CTNND2: variants seen among roughly 807,000 people sequenced by gnomAD.
CTNND2 encodes the protein catenin delta 2, also known as catenin delta-2.
A neutral mutation model predicts 144.4 loss-of-function variants in CTNND2; 22 were observed. That is an observed-to-expected ratio of 0.15 (90% confidence interval 0.11 to 0.22). The LOEUF (loss-of-function observed/expected upper bound fraction) is 0.22, where lower values mean the gene tolerates loss of function less well. CTNND2 is among the 10% of genes least tolerant of loss of function. CTNND2 has a pLI of 1.00. For missense variants in CTNND2, 1,353 were observed against 1,618.8 expected, an observed-to-expected ratio of 0.84 and a Z score of 2.82; for synonymous variants, 751 against 695.6, an observed-to-expected ratio of 1.08 and a Z score of -1.25.
chr5:11,853,251 C>T (rs1795098298), intron 1 of CTNND2, among the ~76,000 whole-genome samples: 1 of 152,158 alleles, frequency 6.6e-6, no homozygotes, highest in African/African-American at 2.4e-5. Context: ...CCTTTACCTT[C>T]CTGCAGCATT....
intron 3 of CTNND2, among the ~76,000 whole-genome samples, chr5:11,454,595 T>TG (rs1477311738): frequency 7.0e-6 from 1 of 142,386 alleles, no homozygotes; most frequent in Non-Finnish European, 1.5e-5. Context: ...AGAAAGTTTT[T>TG]TTTCCTTTTT....
chr5:11,089,141 G>A (rs1451924420), intron 15 of CTNND2, among the ~76,000 whole-genome samples: 3 of 152,168 alleles, frequency 2.0e-5, no homozygotes, highest in African/African-American at 4.8e-5. Flanking sequence ...GAATTAATTC[G>A]TGGAGGGGAA....
intron 1 of CTNND2, among the ~76,000 whole-genome samples, chr5:11,773,876 AATC>A (rs961157218): frequency 6.6e-6 from 1 of 151,986 alleles, no homozygotes; most frequent in Admixed American, 6.6e-5. Flanking sequence ...TTTAAAAGGA[AATC>A]ATCATGTATT....
At chr5:11,556,822 T>C (rs767792277) in intron 3 of CTNND2, among the ~76,000 whole-genome samples, 1 of 152,170 alleles carries the variant, frequency 6.6e-6, no homozygotes, top group African/African-American at 2.4e-5. Flanking sequence ...AGCAAGCAAC[T>C]GTTAATATTT....
Position 11,054,852 on chromosome 5 carries a change from A to G in CTNND2, c.2788+27844T>C, listed in dbSNP as rs555966694. On this transcript the variant is annotated intron_variant, in intron 16 of 21. Coordinates refer to ENST00000304623, the MANE Select transcript of CTNND2 (RefSeq NM_001332.4). ...TAGATAGTTCCACGCTTGTGTTTAT[A>G]TAAAGAGCCTTTACATTTCCATCCT... 5.9e-5 allele frequency among the ~76,000 whole-genome samples: 9 copies of G among 152,296 alleles called. No homozygotes were observed. The South Asian group carries it at 1.7e-3, about 28-fold the overall frequency.
intron 9 of CTNND2, among the ~76,000 whole-genome samples, chr5:11,316,333 C>A (rs1297481247): frequency 6.6e-6 from 1 of 152,098 alleles, no homozygotes; most frequent in Non-Finnish European, 1.5e-5. Context: ...TCAAACAATT[C>A]TCGTGCCTCA....
chr5:11,282,418 T>C (rs1747251617), intron 9 of CTNND2, among the ~76,000 whole-genome samples: 1 of 152,166 alleles, frequency 6.6e-6, no homozygotes, highest in African/African-American at 2.4e-5. Context: ...GCAACTGATT[T>C]CAAACATGAT....
chr5:11,067,759 T>C (rs1747771015), intron 16 of CTNND2, among the ~76,000 whole-genome samples: 1 of 152,228 alleles, frequency 6.6e-6, no homozygotes, highest in Non-Finnish European at 1.5e-5. Context: ...ATGAGCTCTT[T>C]AAACCCATCC....
chr5:11,292,137 C>T (rs7709122), intron 9 of CTNND2, among the ~76,000 whole-genome samples: 1 of 151,976 alleles, frequency 6.6e-6, no homozygotes, highest in East Asian at 1.9e-4. Flanking sequence ...CATGTAATAA[C>T]GACAATAAAA....
intron 11 of CTNND2, among the ~76,000 whole-genome samples, chr5:11,171,923 A>C (rs565767532): frequency 1.4e-4 from 21 of 152,338 alleles, no homozygotes; most frequent in African/African-American, 5.1e-4. Flanking sequence ...CGTGGGCCTA[A>C]TTGTAGAGTA....
intron 16 of CTNND2, among the ~76,000 whole-genome samples, chr5:11,073,505 T>C (rs1748574686): frequency 6.6e-6 from 1 of 152,250 alleles, no homozygotes; most frequent in South Asian, 2.1e-4. Context: ...TTTTGTCTTT[T>C]TCCCCACATG....
At position 11,093,743 on chromosome 5, in the gene CTNND2, G is replaced by C. The variant is rs917764956; in HGVS notation, c.2637+4832C>G. Reference sequence around the variant, plus strand: ...AAATTTTAACAGTTGCTATAAAAATGCATTCTTTGAATTCTAGATTTCAGA... The same window carrying C: ...AAATTTTAACAGTTGCTATAAAAATCCATTCTTTGAATTCTAGATTTCAGA... On this transcript the variant is annotated intron_variant, in intron 15 of 21. Transcript: ENST00000304623. Among the ~76,000 whole-genome samples the C allele has an allele frequency of 1.1e-4, 16 of 152,228 alleles. No individual in the cohort carries two copies. In the East Asian group the frequency reaches 2.9e-3, roughly 28 times the overall value.
chr5:11,759,276 G>C (rs1233191257), intron 1 of CTNND2, among the ~76,000 whole-genome samples: 1 of 151,900 alleles, frequency 6.6e-6, no homozygotes, highest in Non-Finnish European at 1.5e-5. Context: ...ATTTTACAAA[G>C]AGCAAAAATT....
intron 2 of CTNND2, among the ~76,000 whole-genome samples, chr5:11,709,399 G>GA (rs1291160849): frequency 2.6e-5 from 4 of 152,172 alleles, no homozygotes; most frequent in African/African-American, 9.7e-5. Context: ...ACTGACTCTA[G>GA]AAAAACTCTC....
chr5:11,118,618 C>T (rs539065464), intron 12 of CTNND2, among the ~76,000 whole-genome samples: 69 of 152,272 alleles, frequency 4.5e-4, no homozygotes, highest in African/African-American at 1.6e-3. Flanking sequence ...CCCCAGCTCT[C>T]TAGGGAGGGT....
intron 9 of CTNND2, among the ~76,000 whole-genome samples, chr5:11,284,373 T>C (rs560909749): frequency 6.6e-6 from 1 of 152,280 alleles, no homozygotes; most frequent in South Asian, 2.1e-4. Context: ...CACCTAGGTA[T>C]TAGGCTCAAC....
At chr5:11,364,592 T>C (rs1756780739) in intron 8 of CTNND2, 104 bp downstream of exon 8, 2 of 841,024 alleles carry the variant, frequency 2.4e-6, no homozygotes, top group Non-Finnish European at 1.7e-6. Context: ...CTTGTGGGGA[T>C]AGTGGACACA....
intron 7 of CTNND2, among the ~76,000 whole-genome samples, chr5:11,382,830 G>A (rs548965771): frequency 6.6e-6 from 1 of 152,170 alleles, no homozygotes; most frequent in African/African-American, 2.4e-5. Context: ...ATGGTATCAA[G>A]CACACGAAAT....
At chr5:11,809,071 C>T (rs188508019) in intron 1 of CTNND2, among the ~76,000 whole-genome samples, 45 of 152,206 alleles carry the variant, frequency 3.0e-4, no homozygotes, top group Admixed American at 2.7e-3. Context: ...TTGAGCATTG[C>T]GCAAAATTCT....
Sources: allele counts gnomAD v4.1 joint callset (sites outside exome capture counted in the v4.1 genomes callset), GRCh38; gene constraint gnomAD v4.1.1; transcripts MANE v1.5; gene names NCBI Gene and HGNC (gene_info 2026-07-23, HGNC 2026-07-21).